XKR4: variants seen among roughly 807,000 people sequenced by gnomAD.
XKR4 encodes the protein XK related 4.
A neutral mutation model predicts 53.9 loss-of-function variants in XKR4; 12 were observed. The observed-to-expected ratio is 0.22, with a 90% CI of 0.14 to 0.36. The LOEUF is 0.36. Ranked by LOEUF, XKR4 falls within the 10% of genes least tolerant of loss-of-function variation. XKR4 has a pLI of 1.00. For missense variants in XKR4, 799 were observed against 859.5 expected (o/e 0.93, Z 0.88); for synonymous variants, 354 against 362.4 (o/e 0.98, Z 0.26).
In XKR4 at chr8:55,540,757, T is replaced by C. The variant is rs1807090414; in HGVS notation, c.*16530T>C. On this transcript the variant is annotated 3_prime_UTR_variant, in exon 3 of 3. Coordinates refer to ENST00000327381, the MANE Select transcript of XKR4 (RefSeq NM_052898.2). ...ATCATCCTTCCTATGGATTCTTTTC[T>C]CAGTGTTTACTTAATTCTTTTTGCA... 1 of 152,228 alleles carries C rather than the reference T, an allele frequency of 6.6e-6. No individual in the cohort carries two copies. The highest frequency in any genetic ancestry group is 6.5e-5 in the Admixed American group (1 of 15,282). 9.4% of individuals were successfully genotyped at this position (152,228 alleles called of 1,614,324 possible).
At chr8:55,121,245 G>T (rs1238004305) in intron 1 of XKR4, among the ~76,000 whole-genome samples, 1 of 152,180 alleles carries the variant, frequency 6.6e-6, no homozygotes, top group East Asian at 1.9e-4. Flanking sequence ...TAGCATGATT[G>T]CTGGATTATA....
intron 2 of XKR4, chr8:55,454,648 G>C: frequency 1.9e-6 from 2 of 1,048,740 alleles, no homozygotes; most frequent in South Asian, 2.6e-5. Context: ...CACGGTGCAC[G>C]TCAGCAGGTT....
At chr8:55,244,904 T>A (rs1478440180) in intron 1 of XKR4, among the ~76,000 whole-genome samples, 3 of 149,594 alleles carry the variant, frequency 2.0e-5, no homozygotes, top group Non-Finnish European at 3.0e-5. Context: ...AACATTTTTT[T>A]TTTTTTTTTT....
At position 55,205,650 on chromosome 8, in the gene XKR4, CA is replaced by C. The variant is rs1310949973; in HGVS notation, c.806+102358del. Among the ~76,000 whole-genome samples the C allele has an allele frequency of 2.0e-5, 3 of 152,196 alleles. No individual in the cohort carries two copies. In the East Asian group the frequency reaches 5.8e-4, roughly 29 times the overall value. ...CCATTCTTTTGCAGTATCATTTACT[CA>C]ATAATTTTAAGAAGGTAGTAAAGCC... On this transcript the variant is annotated intron_variant, in intron 1 of 2. Transcript: ENST00000327381.
Position 55,327,202 on chromosome 8 carries a change from T to C in XKR4, c.807-30476T>C, listed in dbSNP as rs895853755. Among the ~76,000 whole-genome samples the C allele has an allele frequency of 2.6e-5, 4 of 152,202 alleles. 1 individual carries two copies. Among genetic ancestry groups the C allele is most frequent in the Non-Finnish European group, 5.9e-5 (4 of 68,040 alleles). Reference sequence around the variant, plus strand: ...AGCTTCATAATCATTGTAAACAATTTATAATCATTAACATTACCTCACAAT... The same window carrying C: ...AGCTTCATAATCATTGTAAACAATTCATAATCATTAACATTACCTCACAAT... On this transcript the variant is annotated intron_variant, in intron 1 of 2. Coordinates refer to ENST00000327381, the MANE Select transcript of XKR4 (RefSeq NM_052898.2).
chr8:55,452,326 G>C, intron 2 of XKR4: 1 of 640,088 alleles, frequency 1.6e-6, no homozygotes, highest in Non-Finnish European at 2.9e-6. Context: ...GGGAAGGAGC[G>C]GAACACCACC....
chr8:55,257,947 G>A (rs1018052711), intron 1 of XKR4, among the ~76,000 whole-genome samples: 17 of 152,188 alleles, frequency 1.1e-4, no homozygotes, highest in Admixed American at 4.6e-4. Context: ...GAATCCAGCA[G>A]GAGCCACACA....
chr8:55,248,076 C>T (rs751024877), intron 1 of XKR4, among the ~76,000 whole-genome samples: 14 of 151,716 alleles, frequency 9.2e-5, no homozygotes, highest in African/African-American at 1.4e-4. Flanking sequence ...AGGATGGTCT[C>T]GATCTCCTGA....
intron 1 of XKR4, among the ~76,000 whole-genome samples, chr8:55,326,397 G>A (rs1260359167): frequency 2.0e-5 from 3 of 151,580 alleles, no homozygotes; most frequent in East Asian, 1.9e-4. Context: ...TTTGTTTAAC[G>A]AGATTATAAA....
chr8:55,231,002 G>A (rs1818032275), intron 1 of XKR4, among the ~76,000 whole-genome samples: 1 of 152,166 alleles, frequency 6.6e-6, no homozygotes, highest in South Asian at 2.1e-4. Context: ...TGCTTAAGAG[G>A]CATGTGACAC....
At chr8:55,404,067 A>G (rs1804651049) in intron 2 of XKR4, among the ~76,000 whole-genome samples, 1 of 152,202 alleles carries the variant, frequency 6.6e-6, no homozygotes, top group African/African-American at 2.4e-5. Flanking sequence ...TTTCTGAAAG[A>G]GTCTACATGT....
At chr8:55,131,502 A>G (rs78868937) in intron 1 of XKR4, among the ~76,000 whole-genome samples, 2,680 of 152,272 alleles carry the variant, frequency 0.018, 38 homozygotes, top group Middle Eastern at 0.048. Context: ...TCTCTTGCCT[A>G]TTCTCAAGAT....
intron 1 of XKR4, among the ~76,000 whole-genome samples, chr8:55,272,143 G>T (rs1027930210): frequency 6.6e-6 from 1 of 152,136 alleles, no homozygotes; most frequent in African/African-American, 2.4e-5. Context: ...AAAGAACAAA[G>T]AATAAGAAAT....
chr8:55,417,596 T>TGTAG (rs1233329195), intron 2 of XKR4, among the ~76,000 whole-genome samples: 2 of 152,230 alleles, frequency 1.3e-5, no homozygotes, highest in Admixed American at 1.3e-4. Flanking sequence ...AAAGTGTAGC[T>TGTAG]GTAGGGTATT....
At chr8:55,495,669 C>T (rs1315397192) in intron 2 of XKR4, among the ~76,000 whole-genome samples, 1 of 152,232 alleles carries the variant, frequency 6.6e-6, no homozygotes, top group Non-Finnish European at 1.5e-5. Context: ...GACGTAGGGC[C>T]AGGGTCTGGA....
At chr8:55,459,626 T>A (rs1037932214) in intron 2 of XKR4, among the ~76,000 whole-genome samples, 1 of 152,006 alleles carries the variant, frequency 6.6e-6, no homozygotes, top group Non-Finnish European at 1.5e-5. Context: ...TGAACAGACA[T>A]TTCACTAAAA....
rs940177935 is a variant in XKR4 at position 55,541,948 on chromosome 8, T to G, written c.*17721T>G. The G allele has an allele frequency of 5.3e-5, 8 of 152,100 alleles. No homozygotes were observed. Among genetic ancestry groups the G allele is most frequent in the African/African-American group, 1.9e-4 (8 of 41,404 alleles). 9.4% of individuals were successfully genotyped at this position (152,100 alleles called of 1,614,324 possible). On this transcript the variant is annotated 3_prime_UTR_variant, in exon 3 of 3. Transcript: ENST00000327381. Reference sequence around the variant, plus strand: ...TTGGTCTGTTAAGTAAGTTGCAATTTGTGATGAAATGAAGTGGAAAGTAGT... The same window carrying G: ...TTGGTCTGTTAAGTAAGTTGCAATTGGTGATGAAATGAAGTGGAAAGTAGT...
intron 1 of XKR4, among the ~76,000 whole-genome samples, chr8:55,246,933 G>A (rs2129369065): frequency 6.6e-6 from 1 of 152,234 alleles, no homozygotes; most frequent in Middle Eastern, 3.4e-3. Flanking sequence ...GAAAATCCCT[G>A]GGGGCCGGCT....
chr8:55,491,473 T>C (rs1385037146), intron 2 of XKR4, among the ~76,000 whole-genome samples: 31 of 152,182 alleles, frequency 2.0e-4, no homozygotes, highest in Admixed American at 2.0e-3. Context: ...GTGGATGAGC[T>C]TGATGTTTTG....
Sources: gnomAD v4.1 joint callset for allele counts (sites outside exome capture counted in the v4.1 genomes callset) on GRCh38, gnomAD v4.1.1 for gene constraint, MANE v1.5 for transcripts, NCBI Gene and HGNC (gene_info 2026-07-23, HGNC 2026-07-21) for gene names.